DNMT3B: variants seen among roughly 807,000 people sequenced by gnomAD.
DNMT3B encodes the protein DNA (cytosine-5)-methyltransferase 3B.
DNMT3B carries 37 observed loss-of-function variants against 120.2 expected under a neutral mutation model. The ratio of observed to expected loss-of-function variants is 0.31; its 90% CI spans 0.24 to 0.40. DNMT3B has a LOEUF of 0.40. Among genes scored for constraint, DNMT3B ranks in the 10% least tolerant of loss-of-function variants. The pLI is 1.00. For synonymous variants in DNMT3B, 412 were observed against 442.8 expected (o/e 0.93, Z 0.87); for missense variants, 878 against 1,137.3 (o/e 0.77, Z 3.28).
intron 1 of DNMT3B, among the ~76,000 whole-genome samples, chr20:32,776,663 G>T (rs1312642903): frequency 6.6e-6 from 1 of 152,144 alleles, no homozygotes; most frequent in Non-Finnish European, 1.5e-5. Context: ...ACATTTAAAG[G>T]TTAAATGAGT....
At chr20:32,803,329 TAGA>T (rs140999024) in intron 20 of DNMT3B, among the ~76,000 whole-genome samples, 2,879 of 152,324 alleles carry the variant, frequency 0.019, 84 homozygotes, top group African/African-American at 0.065. Context: ...CATTCTCCTG[TAGA>T]AGGAGGCATG....
At chr20:32,790,347 A>G (rs1979832489) in intron 7 of DNMT3B, among the ~76,000 whole-genome samples, 2 of 152,172 alleles carry the variant, frequency 1.3e-5, no homozygotes, top group Admixed American at 6.5e-5. Context: ...GAGACATAAA[A>G]TGCACTTTGC....
chr20:32,786,917 C>T (rs1361307289), intron 5 of DNMT3B, among the ~76,000 whole-genome samples: 2 of 152,194 alleles, frequency 1.3e-5, no homozygotes, highest in African/African-American at 4.8e-5. Context: ...CCAGAACTGT[C>T]TTCTCCCTCA....
chr20:32,807,596 TG>T (rs1982106546), intron 22 of DNMT3B, among the ~76,000 whole-genome samples, 165 bp from the exon 23 acceptor site: 1 of 152,214 alleles, frequency 6.6e-6, no homozygotes, highest in African/African-American at 2.4e-5. Context: ...GTGAGCAATT[TG>T]TAAGCAAGTG....
intron 10 of DNMT3B, 26 bp from the exon 11 acceptor site, chr20:32,795,383 G>A (rs373239048): frequency 2.5e-6 from 4 of 1,613,490 alleles, no homozygotes; most frequent in African/African-American, 1.3e-5. Flanking sequence ...ACCAAGCCAC[G>A]GCTGCAGTCT....
chr20:32,795,621 C>T, intron 11 of DNMT3B, 29 bp from the exon 12 acceptor site: 3 of 1,614,202 alleles, frequency 1.9e-6, no homozygotes, highest in African/African-American at 1.3e-5. Flanking sequence ...TCCCTGACCT[C>T]ATCTCATGCC....
chr20:32,780,246 A>G, intron 1 of DNMT3B, 72 bp from the exon 2 acceptor site: 3 of 1,613,270 alleles, frequency 1.9e-6, no homozygotes, highest in South Asian at 2.2e-5. Flanking sequence ...CACAGAGCCC[A>G]TGGCGGGGGA....
intron 1 of DNMT3B, among the ~76,000 whole-genome samples, chr20:32,768,514 A>G (rs1987524471): frequency 6.6e-6 from 1 of 151,770 alleles, no homozygotes; most frequent in Admixed American, 6.6e-5. Flanking sequence ...TTTTATAGAG[A>G]TAGGCTCTCG....
intron 1 of DNMT3B, among the ~76,000 whole-genome samples, chr20:32,774,508 CTTTTT>C (rs386393640): frequency 1.0e-5 from 1 of 98,512 alleles, no homozygotes. Flanking sequence ...CGCGCCTGGC[CTTTTT>C]TTTTTTTTTT....
chr20:32,768,180 TG>T (rs71338458), intron 1 of DNMT3B, among the ~76,000 whole-genome samples: 1 of 147,698 alleles, frequency 6.8e-6, no homozygotes, highest in Non-Finnish European at 1.5e-5. Flanking sequence ...CCACCAGGCT[TG>T]GCTAATTTTA....
chr20:32,776,011 C>T (rs6119953), intron 1 of DNMT3B, among the ~76,000 whole-genome samples: 3 of 152,144 alleles, frequency 2.0e-5, no homozygotes, highest in Non-Finnish European at 4.4e-5. Context: ...AGTAGATCAC[C>T]TGAGGTCAGG....
At chr20:32,763,076 A>C (rs955920416) in intron 1 of DNMT3B, among the ~76,000 whole-genome samples, 3 of 152,088 alleles carry the variant, frequency 2.0e-5, no homozygotes, top group Non-Finnish European at 2.9e-5. Context: ...CGTCGAGAGC[A>C]TGAACAGGGG....
intron 19 of DNMT3B, 139 bp from the exon 20 acceptor site, chr20:32,802,237 CAGCCTCCTG>C (rs1433373215): frequency 1.2e-6 from 1 of 832,862 alleles, no homozygotes; most frequent in Non-Finnish European, 2.1e-6. Flanking sequence ...GTCCTCTAGC[CAGCCTCCTG>C]ATGGCAGTAG....
At chr20:32,791,418 A>G (rs1414775846) in intron 7 of DNMT3B, among the ~76,000 whole-genome samples, 183 bp from the exon 8 acceptor site, 1 of 152,186 alleles carries the variant, frequency 6.6e-6, no homozygotes, top group Non-Finnish European at 1.5e-5. Context: ...AGACTCTGCC[A>G]TTTCTATTTT....
In DNMT3B at chr20:32,795,438, G is replaced by T; in HGVS notation, c.1156G>T (p.Asp386Tyr). The change falls in exon 11 of 23, where the codon GAC becomes TAC. Residue 386 changes from aspartate to tyrosine, a missense_variant. Transcript: ENST00000328111. ...CAAGACTCGAAGACGCACAGCTGAC[G>T]ACTCAGCCACCTCTGACTACTGCCC... Reference protein sequence around the residue: ...ENKTRRRTADDSATSDYCPAP... With the variant: ...ENKTRRRTADYSATSDYCPAP... 1.2e-6 allele frequency: 2 copies of T among 1,614,070 alleles called. No homozygotes were observed. Among genetic ancestry groups the T allele is most frequent in the South Asian group, 2.2e-5 (2 of 91,042 alleles).
chr20:32,786,772 C>T, intron 5 of DNMT3B, 145 bp downstream of exon 5: 3 of 1,369,614 alleles, frequency 2.2e-6, no homozygotes, highest in Middle Eastern at 1.8e-4. Context: ...TCTTTTCTCT[C>T]CTGGGTAAGC....
chr20:32,791,761 A>G lies in DNMT3B; in HGVS notation c.921+53A>G, dbSNP rs1979994971. On this transcript the variant is annotated intron_variant, in intron 8 of 22. Coordinates refer to ENST00000328111, the MANE Select transcript of DNMT3B (RefSeq NM_006892.4). ...AAGCCCTGAGAGCAGGGATGAAGCA[A>G]GAGACCCACAGAAACCTAGCTCAGT... 6.9e-6 allele frequency: 11 copies of G among 1,593,708 alleles called. No individual in the cohort carries two copies. The South Asian group carries it at 1.1e-4, about 16-fold the overall frequency.
chr20:32,793,521 T>A lies in DNMT3B; in HGVS notation c.1067-15T>A, dbSNP rs1181946345. On this transcript the variant is annotated splice_polypyrimidine_tract_variant and intron_variant, in intron 9 of 22. Coordinates refer to ENST00000328111, the MANE Select transcript of DNMT3B (RefSeq NM_006892.4). ...GTAATGTTTTTTCTGTTTTGTTTTGTTTTCCCCTCAAAAGTGGTTAATAAG... is the reference window on the plus strand; with the variant it reads ...GTAATGTTTTTTCTGTTTTGTTTTGATTTCCCCTCAAAAGTGGTTAATAAG... 1.2e-6 allele frequency: 2 copies of A among 1,613,880 alleles called. No individual in the cohort carries two copies. The highest frequency in any genetic ancestry group is 1.7e-5 in the Admixed American group (1 of 60,002).
chr20:32,771,373 G>C (rs2145860794), intron 1 of DNMT3B, among the ~76,000 whole-genome samples: 1 of 152,286 alleles, frequency 6.6e-6, no homozygotes, highest in South Asian at 2.1e-4. Context: ...GGGTGCAGTG[G>C]CTCACACCTG....
Sources: allele counts gnomAD v4.1 joint callset (sites outside exome capture counted in the v4.1 genomes callset), GRCh38; gene constraint gnomAD v4.1.1; transcripts MANE v1.5; gene names NCBI Gene and HGNC (gene_info 2026-07-23, HGNC 2026-07-21).